Variants in PREX1 observed in about 807,000 individuals in gnomAD.
The protein encoded by PREX1 is phosphatidylinositol-3,4,5-trisphosphate dependent Rac exchange factor 1, also known as phosphatidylinositol 3,4,5-trisphosphate-dependent Rac exchanger 1 protein.
A neutral mutation model predicts 198.3 loss-of-function variants in PREX1; 41 were observed. That is an observed-to-expected ratio of 0.21 (90% CI 0.16 to 0.27). The LOEUF is 0.27. Ranked by LOEUF, PREX1 falls within the 10% of genes least tolerant of loss-of-function variation. The probability of loss-of-function intolerance (pLI) is 1.00; values close to 1 mark genes in which losing one functional copy is unlikely to be tolerated. For missense variants in PREX1, 1,620 were observed against 2,200.7 expected (o/e 0.74, Z 5.28); for synonymous variants, 843 against 887.2 (o/e 0.95, Z 0.89).
intron 1 of PREX1, among the ~76,000 whole-genome samples, chr20:48,778,385 C>T (rs569253419): frequency 6.7e-6 from 1 of 148,676 alleles, no homozygotes; most frequent in Non-Finnish European, 1.5e-5. Flanking sequence ...ATCAGCCTGG[C>T]CAAAAGGATG....
At chr20:48,699,516 C>T (rs1234478860) in intron 7 of PREX1, among the ~76,000 whole-genome samples, 1 of 152,074 alleles carries the variant, frequency 6.6e-6, no homozygotes, top group African/African-American at 2.4e-5. Context: ...ACATCCATCT[C>T]CTAATTTCCC....
At chr20:48,693,608 A>ATTTAT (rs919716214) in intron 7 of PREX1, among the ~76,000 whole-genome samples, 3 of 152,010 alleles carry the variant, frequency 2.0e-5, no homozygotes, top group African/African-American at 7.2e-5. Flanking sequence ...TATTTTATTA[A>ATTTAT]TTTATTTTAT....
At chr20:48,775,656 A>G (rs1222659338) in intron 1 of PREX1, among the ~76,000 whole-genome samples, 2 of 137,000 alleles carry the variant, frequency 1.5e-5, no homozygotes, top group African/African-American at 4.9e-5. Flanking sequence ...AAATGGGGGC[A>G]GGTCTTTCCC....
At chr20:48,787,633 C>CA (rs1348224176) in intron 1 of PREX1, among the ~76,000 whole-genome samples, 9 of 140,726 alleles carry the variant, frequency 6.4e-5, no homozygotes, top group Non-Finnish European at 1.1e-4. Context: ...AACCATAAAA[C>CA]AAAAAACAAA....
chr20:48,847,371 A>AAAAAAAAAAAAAACAAAAC, the PREX1 span, among the ~76,000 whole-genome samples: 1 of 149,394 alleles, frequency 6.7e-6, no homozygotes, highest in African/African-American at 2.5e-5. Flanking sequence ...TTATAAAAAA[A>AAAAAAAAAAAAAACAAAAC]AAAAAAAAAA....
the PREX1 span, among the ~76,000 whole-genome samples, chr20:48,882,397 G>C: frequency 6.7e-6 from 1 of 149,972 alleles, no homozygotes; most frequent in South Asian, 2.1e-4. Context: ...AGCTACTCGG[G>C]AGGTTGAGGC....
rs2090049223 is a variant in PREX1 at position 48,734,653 on chromosome 20, G to A, written c.415-3C>T. 1.2e-6 allele frequency: 2 copies of A among 1,613,254 alleles called. No individual in the cohort carries two copies. The highest frequency in any genetic ancestry group is 1.7e-6 in the Non-Finnish European group (2 of 1,179,362). ...TCGTACACGCAGAACTTGTCCTTCT[G>A]CAAGACAAGGACAGAGCCTGTGGGA... On this transcript the variant is annotated splice_polypyrimidine_tract_variant and splice_region_variant and intron_variant, in intron 3 of 39. Transcript: ENST00000371941.
chr20:48,776,194 C>T (rs1369619230), intron 1 of PREX1, among the ~76,000 whole-genome samples: 1 of 152,152 alleles, frequency 6.6e-6, no homozygotes, highest in East Asian at 1.9e-4. Context: ...AAGTCCTGCC[C>T]AGCCTCCTGC....
At chr20:48,697,384 CTTTT>C (rs11289036) in intron 7 of PREX1, among the ~76,000 whole-genome samples, 1 of 138,828 alleles carries the variant, frequency 7.2e-6, no homozygotes. Context: ...TTTTTCTTTT[CTTTT>C]TTTTTTTTTT....
the PREX1 span, among the ~76,000 whole-genome samples, chr20:48,852,299 G>A: frequency 0.013 from 2,041 of 151,562 alleles, 42 homozygotes; most frequent in African/African-American, 0.047. Context: ...CAGATCCCTA[G>A]GCCCACCCAG....
At position 48,746,036 on chromosome 20, in the gene PREX1, C is replaced by T. The variant is rs141715584; in HGVS notation, c.292-889G>A. The stretch of plus-strand genomic sequence containing the variant: ...TTATTATTATTTTCTTTTTTAGAGA[C>T]GGAATCTCGCTCTGTCGCCCAGGCT... On this transcript the variant is annotated intron_variant, in intron 2 of 39. Coordinates refer to ENST00000371941, the MANE Select transcript of PREX1 (RefSeq NM_020820.4). Among the ~76,000 whole-genome samples, 1,259 of 152,198 alleles carry T rather than the reference C, an allele frequency of 8.3e-3. 20 individuals are homozygous for T. The highest frequency in any genetic ancestry group is 0.028 in the African/African-American group (1,181 of 41,498).
the PREX1 span, among the ~76,000 whole-genome samples, chr20:48,887,747 C>T: frequency 6.6e-6 from 1 of 152,146 alleles, no homozygotes; most frequent in African/African-American, 2.4e-5. Context: ...GAGATGGAGA[C>T]CATCCTGGCT....
At chr20:48,659,357 AAG>A (rs1220384574) in intron 16 of PREX1, among the ~76,000 whole-genome samples, 1 of 131,490 alleles carries the variant, frequency 7.6e-6, no homozygotes, top group Non-Finnish European at 1.6e-5. Context: ...GGAAAGAGGA[AAG>A]AGAGAAGGGG....
chr20:48,682,433 A>G (rs990597849), intron 10 of PREX1, among the ~76,000 whole-genome samples: 2 of 152,078 alleles, frequency 1.3e-5, no homozygotes, highest in Non-Finnish European at 2.9e-5. Context: ...TTTATTGGCC[A>G]TCTCCCCCAA....
At chr20:48,699,082 G>A (rs1046804835) in intron 7 of PREX1, among the ~76,000 whole-genome samples, 2 of 152,162 alleles carry the variant, frequency 1.3e-5, no homozygotes, top group Non-Finnish European at 1.5e-5. Flanking sequence ...AGGACAGTGG[G>A]AAGCCCACAC....
intron 1 of PREX1, among the ~76,000 whole-genome samples, chr20:48,776,260 C>T (rs2090261123): frequency 6.6e-6 from 1 of 152,190 alleles, no homozygotes; most frequent in Admixed American, 6.5e-5. Context: ...CCGGGTCATC[C>T]TGGACCACAA....
intron 1 of PREX1, among the ~76,000 whole-genome samples, chr20:48,749,067 C>T (rs990954786): frequency 6.6e-6 from 1 of 151,972 alleles, no homozygotes; most frequent in Non-Finnish European, 1.5e-5. Context: ...AGGGGTCACA[C>T]GTATGGGCTG....
chr20:48,841,902 T>TG, the PREX1 span, among the ~76,000 whole-genome samples: 1 of 152,182 alleles, frequency 6.6e-6, no homozygotes, highest in African/African-American at 2.4e-5. Context: ...AGGGCAACTG[T>TG]GGGGGGTTCA....
chr20:48,837,020 C>A, the PREX1 span, among the ~76,000 whole-genome samples: 2 of 152,018 alleles, frequency 1.3e-5, no homozygotes, highest in Admixed American at 6.6e-5. Context: ...GAGTTCCTTC[C>A]CCCACCATCT....
Sources: gnomAD v4.1 joint callset for allele counts (sites outside exome capture counted in the v4.1 genomes callset) on GRCh38, gnomAD v4.1.1 for gene constraint, MANE v1.5 for transcripts, NCBI Gene and HGNC (gene_info 2026-07-23, HGNC 2026-07-21) for gene names.